CCDC200: variants seen among roughly 807,000 people sequenced by gnomAD.
CCDC200 encodes coiled-coil domain-containing protein 200.
chr17:43,225,567 G>A (rs111955936), intron 1 of CCDC200, among the ~76,000 whole-genome samples: 5 of 142,414 alleles, frequency 3.5e-5, no homozygotes, highest in Admixed American at 2.9e-4. Flanking sequence ...GGAGGCTGAG[G>A]CAGGAGAATT....
intron 3 of CCDC200, among the ~76,000 whole-genome samples, chr17:43,222,773 G>GTTT (rs542275017): frequency 7.9e-6 from 1 of 127,330 alleles, no homozygotes; most frequent in Non-Finnish European, 1.6e-5. Context: ...TTTTTTTTTC[G>GTTT]TTTTTTTTTT....
At chr17:43,224,860 A>T (rs2057556278) in intron 1 of CCDC200, 1 of 152,068 alleles carries the variant, frequency 6.6e-6, no homozygotes, top group African/African-American at 2.4e-5. Flanking sequence ...ATTCCCTGCA[A>T]ATGTCTTGTG....
intron 1 of CCDC200, among the ~76,000 whole-genome samples, chr17:43,225,693 T>TATATATATATATATATATATATAAAAAA (rs1282739067): frequency 3.5e-5 from 1 of 28,912 alleles, no homozygotes; most frequent in African/African-American, 4.7e-5. Flanking sequence ...TATATATATA[T>TATATATATATATATATATATATAAAAAA]TGCATGCTAC....
upstream of CCDC200, among the ~76,000 whole-genome samples, chr17:43,230,678 G>GAAAAAAAAAA (rs1194184063): frequency 4.3e-4 from 3 of 6,918 alleles, no homozygotes; most frequent in Non-Finnish European, 1.3e-3. Flanking sequence ...CTTTGTCTCT[G>GAAAAAAAAAA]AAAAAAAAAA....
chr17:43,227,096 A>G (rs954044135), intron 1 of CCDC200, among the ~76,000 whole-genome samples: 1 of 151,958 alleles, frequency 6.6e-6, no homozygotes, highest in African/African-American at 2.4e-5. Context: ...CCCCTACCTC[A>G]GCCTCCCGAG....
chr17:43,223,122 G>A (rs534522451), intron 3 of CCDC200, among the ~76,000 whole-genome samples: 17 of 151,458 alleles, frequency 1.1e-4, no homozygotes, highest in African/African-American at 4.1e-4. Flanking sequence ...TCACTCTGTT[G>A]CCCAGGCTGG....
chr17:43,225,680 G>GTATGTATATATATATATA lies in CCDC200; in HGVS notation c.106-1132_106-1131insTATATATATATATACATA, dbSNP rs2057563041. Reference sequence around the variant, plus strand: ...TCCGTCTAAAAAAAAAAAAAAAAAAGTATATATATATATTGCATGCTACAT... The same window carrying GTATGTATATATATATATA: ...TCCGTCTAAAAAAAAAAAAAAAAAAGTATGTATATATATATATATATATATATATATTGCATGCTACAT... On this transcript the variant is annotated intron_variant, in intron 1 of 3. Transcript: ENST00000636331. Among the ~76,000 whole-genome samples the GTATGTATATATATATATA allele has an allele frequency of 7.8e-4, 13 of 16,664 alleles. 3 individuals are homozygous for GTATGTATATATATATATA. Among genetic ancestry groups the GTATGTATATATATATATA allele is most frequent in the Non-Finnish European group, 7.5e-3 (11 of 1,466 alleles). 10.9% of individuals were successfully genotyped at this position (16,664 alleles called of 152,430 possible).
At chr17:43,222,617 G>T (rs1407334643) in intron 3 of CCDC200, among the ~76,000 whole-genome samples, 1 of 146,332 alleles carries the variant, frequency 6.8e-6, no homozygotes, top group Non-Finnish European at 1.5e-5. Context: ...TTCAGGGAGG[G>T]TCTCACTCTG....
chr17:43,222,024 A>T (rs772767403), intron 3 of CCDC200, among the ~76,000 whole-genome samples: 2 of 151,866 alleles, frequency 1.3e-5, no homozygotes, highest in Non-Finnish European at 2.9e-5. Context: ...GAACCCGGGA[A>T]GTGGAGGTTG....
chr17:43,227,600 T>C (rs559022835), intron 1 of CCDC200, among the ~76,000 whole-genome samples: 1 of 152,058 alleles, frequency 6.6e-6, no homozygotes, highest in African/African-American at 2.4e-5. Context: ...TTCTCATGCC[T>C]CAGTCTCCCC....
chr17:43,230,700 C>A, upstream of CCDC200, among the ~76,000 whole-genome samples: 4 of 28,256 alleles, frequency 1.4e-4, no homozygotes, highest in African/African-American at 3.6e-4. Context: ...AAAAAAAAAG[C>A]ATGGGCGCGG....
rs142844030 is a variant in CCDC200, at chr17:43,223,097, T to C, written c.480+459A>G. On this transcript the variant is annotated intron_variant, in intron 3 of 3. Transcript: ENST00000636331. ...GCTAGTTTTTAAAATTTTTTGTTGT[T>C]GTTGAGATGGAGTCTCACTCTGTTG... Among the ~76,000 whole-genome samples the C allele has an allele frequency of 1.4e-3, 209 of 151,640 alleles. 1 individual carries two copies. Among genetic ancestry groups the C allele is most frequent in the Non-Finnish European group, 2.6e-3 (176 of 67,850 alleles).
At chr17:43,222,647 G>A (rs1301620218) in intron 3 of CCDC200, among the ~76,000 whole-genome samples, 3 of 150,116 alleles carry the variant, frequency 2.0e-5, no homozygotes, top group Non-Finnish European at 4.4e-5. Flanking sequence ...CTGGAGTGCA[G>A]TGGTGTGATC....
At chr17:43,224,728 C>G (rs1183349087) in intron 1 of CCDC200, 179 bp from the exon 2 acceptor site, 1 of 152,188 alleles carries the variant, frequency 6.6e-6, no homozygotes, top group African/African-American at 2.4e-5. Context: ...ACTGTGACAC[C>G]CAAGAACGAT....
upstream of CCDC200, among the ~76,000 whole-genome samples, chr17:43,230,954 T>C (rs1555617210): frequency 4.9e-3 from 356 of 72,750 alleles, 53 homozygotes; most frequent in Middle Eastern, 0.024. Flanking sequence ...CACTCCAGCC[T>C]CAGCGACAGA....
intron 1 of CCDC200, among the ~76,000 whole-genome samples, chr17:43,225,822 T>C (rs1165336550): frequency 2.8e-5 from 4 of 145,196 alleles, no homozygotes; most frequent in Admixed American, 7.0e-5. Flanking sequence ...CAACCTCTGC[T>C]TCCTGAGTTC....
In CCDC200 at chr17:43,221,516, G is replaced by A. The variant is rs2057533797; in HGVS notation, c.*55C>T. 1 of 152,550 alleles carries A rather than the reference G, an allele frequency of 6.6e-6. No homozygotes were observed. Among genetic ancestry groups the A allele is most frequent in the Non-Finnish European group, 1.5e-5 (1 of 68,026 alleles). 9.4% of individuals were successfully genotyped at this position (152,550 alleles called of 1,614,324 possible). A position where few individuals can be genotyped will look rare whatever the true frequency, so the allele number is the denominator to read the frequency against. Reference sequence around the variant, plus strand: ...ATATTGCTGGATGCTGAGAAGATGTGGTTGCTCATCTGCATTTTGGGGATG... The same window carrying A: ...ATATTGCTGGATGCTGAGAAGATGTAGTTGCTCATCTGCATTTTGGGGATG... On this transcript the variant is annotated 3_prime_UTR_variant, in exon 4 of 4. Transcript: ENST00000636331.
At chr17:43,227,682 C>T (rs1173297605) in intron 1 of CCDC200, among the ~76,000 whole-genome samples, 2 of 151,462 alleles carry the variant, frequency 1.3e-5, no homozygotes, top group Non-Finnish European at 2.9e-5. Context: ...GACCAGGTTT[C>T]GCCATGTTGG....
At chr17:43,226,696 T>C (rs1289814784) in intron 1 of CCDC200, among the ~76,000 whole-genome samples, 2 of 152,278 alleles carry the variant, frequency 1.3e-5, no homozygotes, top group African/African-American at 4.8e-5. Context: ...CCCAGCCTAA[T>C]AATATATTTT....
Sources: allele counts gnomAD v4.1 joint callset (sites outside exome capture counted in the v4.1 genomes callset), GRCh38; gene constraint gnomAD v4.1.1; transcripts MANE v1.5; gene names NCBI Gene and HGNC (gene_info 2026-07-23, HGNC 2026-07-21).